The following SERPINI2 variants were observed in gnomAD, a reference collection of about 807,000 sequenced individuals.
SERPINI2 encodes the protein serpin family I member 2.
In SERPINI2, 48 loss-of-function variants were observed where a neutral mutation model predicts 47.3. The observed-to-expected ratio is 1.02, with a 90% CI of 0.81 to 1.29. The LOEUF is 1.29. Among genes scored for constraint, SERPINI2 ranks in the 50% most tolerant of loss-of-function variants. SERPINI2 has a pLI of 0.00. For missense variants in SERPINI2, 448 were observed against 456.9 expected (o/e 0.98, Z 0.18); for synonymous variants, 135 against 149.3 (o/e 0.90, Z 0.70).
chr3:167,452,831 A>G lies in SERPINI2; in HGVS notation c.964+105T>C, dbSNP rs1350644403. 1.6e-5 allele frequency: 10 copies of G among 631,806 alleles called. No homozygotes were observed. The Middle Eastern group carries it at 9.1e-4, about 58-fold the overall frequency. The allele number at this position is 631,806 out of a possible 1,614,324, so 39.1% of individuals were successfully genotyped here. ...ACTATGACATTTATTCACTGTGCGT[A>G]TATTTATCAGAGCTGAATGCTCTTT... On this transcript the variant is annotated intron_variant, in intron 6 of 8. Transcript: ENST00000264677.
At chr3:167,453,136 TTTG>T in intron 5 of SERPINI2, 103 bp from the exon 6 acceptor site, 1 of 553,770 alleles carries the variant, frequency 1.8e-6, no homozygotes, top group East Asian at 3.1e-5. Context: ...TGTAAAATCT[TTTG>T]TTTTTATTAT....
chr3:167,474,438 T>C (rs548259489), upstream of SERPINI2, among the ~76,000 whole-genome samples: 2 of 151,756 alleles, frequency 1.3e-5, no homozygotes, highest in African/African-American at 4.8e-5. Flanking sequence ...AGAAAAAGAA[T>C]AAAGCTAAAT....
At chr3:167,462,392 G>T (rs1374797262) in intron 5 of SERPINI2, among the ~76,000 whole-genome samples, 1 of 152,164 alleles carries the variant, frequency 6.6e-6, no homozygotes, top group African/African-American at 2.4e-5. Context: ...TCAGAAGGCC[G>T]TGAGGGAAAA....
rs370677599 is a variant in SERPINI2, at chr3:167,461,429, C to T, written c.866+3777G>A. Among the ~76,000 whole-genome samples the T allele has an allele frequency of 3.0e-4, 46 of 152,116 alleles. 1 individual carries two copies. The highest frequency in any genetic ancestry group is 4.1e-4 in the Non-Finnish European group (28 of 67,988). ...ACTATTGTTTTTGTTTCTATAAAAA[C>T]GAAGATTCAAATTCAGCTTTTAAGG... On this transcript the variant is annotated intron_variant, in intron 5 of 8. Transcript: ENST00000264677.
upstream of SERPINI2, among the ~76,000 whole-genome samples, chr3:167,476,217 G>A (rs1276494200): frequency 6.6e-6 from 1 of 151,822 alleles, no homozygotes; most frequent in East Asian, 1.9e-4. Flanking sequence ...TTCAGAAACA[G>A]TTTATAATGC....
intron 3 of SERPINI2, 90 bp downstream of exon 3, chr3:167,466,965 A>G (rs761625887): frequency 8.9e-5 from 72 of 808,382 alleles, no homozygotes; most frequent in South Asian, 4.3e-4. Flanking sequence ...ATACTGCAGT[A>G]GGAAAATATT....
chr3:167,450,680 G>A (rs745799350), intron 6 of SERPINI2, among the ~76,000 whole-genome samples: 5 of 152,140 alleles, frequency 3.3e-5, no homozygotes, highest in South Asian at 2.1e-4. Context: ...CTCAAGGTCC[G>A]GCAAATAAGC....
chr3:167,442,326 C>T (rs1248159344), intron 8 of SERPINI2, 141 bp from the exon 9 acceptor site: 1 of 512,274 alleles, frequency 2.0e-6, no homozygotes, highest in African/African-American at 2.0e-5. Context: ...ATAGCAAAGC[C>T]TTCTCCTTTG....
At chr3:167,458,527 G>T (rs1253382363) in intron 5 of SERPINI2, among the ~76,000 whole-genome samples, 2 of 151,548 alleles carry the variant, frequency 1.3e-5, no homozygotes, top group Non-Finnish European at 2.9e-5. Flanking sequence ...CTCCTAAAGT[G>T]CCGGGTCTAC....
intron 5 of SERPINI2, among the ~76,000 whole-genome samples, chr3:167,459,097 C>T (rs1395652232): frequency 7.1e-6 from 1 of 141,328 alleles, no homozygotes; most frequent in African/African-American, 2.8e-5. Context: ...TTTTTTGAGA[C>T]GGAGTCTCGC....
rs151163290 is a variant in SERPINI2, at chr3:167,448,680, G to C, written c.1051+636C>G. Among the ~76,000 whole-genome samples the C allele has an allele frequency of 2.0e-5, 3 of 152,172 alleles. No homozygotes were observed. In the East Asian group the frequency reaches 5.8e-4, roughly 29 times the overall value. ...TGGGACTACAGGCATCCGCCACCAC[G>C]CCCGGCTAATTTTTTGTATTTTTAG... On this transcript the variant is annotated intron_variant, in intron 7 of 8. Transcript: ENST00000264677.
rs762869389 is a variant in SERPINI2, at chr3:167,465,482, AT to A, written c.669del (p.Lys223AsnfsTer10). On this transcript the variant is annotated frameshift_variant, in exon 4 of 9. Coordinates refer to ENST00000264677, the Ensembl canonical transcript of SERPINI2. LOFTEE classifies it high-confidence loss of function. The stretch of plus-strand genomic sequence containing the variant: ...GAACTGTGGTTTCTCACATTACCAT[AT>A]TTTGTTCTCAGAAGAGCCTTCATCA... 2.4e-5 allele frequency: 38 copies of A among 1,612,968 alleles called. No individual in the cohort carries two copies. In the East Asian group the frequency reaches 8.2e-4, roughly 35 times the overall value.
chr3:167,463,560 G>A (rs1332574067), intron 5 of SERPINI2, among the ~76,000 whole-genome samples: 1 of 151,962 alleles, frequency 6.6e-6, no homozygotes, highest in Non-Finnish European at 1.5e-5. Context: ...AGTGTCCTGG[G>A]GACTAAAGGA....
At chr3:167,466,428 A>C (rs1415123246) in intron 3 of SERPINI2, among the ~76,000 whole-genome samples, 1 of 152,208 alleles carries the variant, frequency 6.6e-6, no homozygotes, top group Non-Finnish European at 1.5e-5. Context: ...CTTCACATAC[A>C]TTATTATTAA....
At position 167,442,188 on chromosome 3, in the gene SERPINI2, A is replaced by AG. The variant is rs201598973; in HGVS notation, c.1142-4dup. ...TCTTCCCATAAACAGAATTGATTCT[A>AG]GGGAAAAAAAAACAAAAAAATATAC... On this transcript the variant is annotated splice_region_variant and splice_polypyrimidine_tract_variant and intron_variant, in intron 8 of 8. Transcript: ENST00000264677. 66 of 1,566,770 alleles carry AG rather than the reference A, an allele frequency of 4.2e-5. No homozygotes were observed. Among genetic ancestry groups the AG allele is most frequent in the Middle Eastern group, 3.5e-4 (2 of 5,770 alleles).
At chr3:167,452,042 G>A (rs774260124) in intron 6 of SERPINI2, among the ~76,000 whole-genome samples, 19 of 152,258 alleles carry the variant, frequency 1.2e-4, no homozygotes, top group Non-Finnish European at 2.2e-4. Flanking sequence ...TCCTCCACCA[G>A]GAAAGTTTTT....
chr3:167,448,471 T>C (rs1203739809), intron 7 of SERPINI2, among the ~76,000 whole-genome samples: 5 of 152,196 alleles, frequency 3.3e-5, no homozygotes, highest in African/African-American at 1.2e-4. Flanking sequence ...CTTCCAGAAA[T>C]ACTGATATAA....
chr3:167,453,670 C>CA (rs1203848367), intron 5 of SERPINI2, among the ~76,000 whole-genome samples: 29 of 121,100 alleles, frequency 2.4e-4, no homozygotes, highest in South Asian at 5.6e-4. Context: ...GGGGGGTGGG[C>CA]AAAAAAAAAA....
upstream of SERPINI2, among the ~76,000 whole-genome samples, chr3:167,475,262 C>T (rs1389252500): frequency 6.6e-6 from 1 of 151,762 alleles, no homozygotes; most frequent in African/African-American, 2.4e-5. Flanking sequence ...TACTATCATT[C>T]TACTTGCTTC....
Sources: allele counts gnomAD v4.1 joint callset (sites outside exome capture counted in the v4.1 genomes callset), GRCh38; gene constraint gnomAD v4.1.1; transcripts MANE v1.5; gene names NCBI Gene and HGNC (gene_info 2026-07-23, HGNC 2026-07-21).